The following SULF2 variants were observed in gnomAD, a reference collection of about 807,000 sequenced individuals.
SULF2 encodes the protein extracellular sulfatase Sulf-2.
Under a neutral mutation model 107.7 loss-of-function variants are expected in SULF2, and 52 were observed. The ratio of observed to expected loss-of-function variants is 0.48; its 90% CI spans 0.39 to 0.61. The LOEUF is 0.61. Among genes scored for constraint, SULF2 ranks in the 20% least tolerant of loss-of-function variants. The pLI is 0.00. For missense variants in SULF2, 993 were observed against 1,177.3 expected (o/e 0.84, Z 2.29); for synonymous variants, 460 against 464.3 (o/e 0.99, Z 0.12).
chr20:47,769,144 G>A, intron 1 of SULF2, among the ~76,000 whole-genome samples: 1 of 151,980 alleles, frequency 6.6e-6, no homozygotes, highest in East Asian at 1.9e-4. Flanking sequence ...GGGTTCAAGT[G>A]ATTCTCCTGC....
At chr20:47,780,015 CTTTTTTTTTTT>C (rs74178766) in intron 1 of SULF2, among the ~76,000 whole-genome samples, 1 of 120,494 alleles carries the variant, frequency 8.3e-6, no homozygotes, top group South Asian at 2.8e-4. Context: ...CCCTAGTTGA[CTTTTTTTTTTT>C]TTTTTTTTGA....
chr20:47,736,589 G>A, intron 3 of SULF2, 114 bp downstream of exon 3: 1 of 1,370,776 alleles, frequency 7.3e-7, no homozygotes. Flanking sequence ...TAAGAGAGTT[G>A]CTCTAGGGGC....
At chr20:47,737,775 T>TTTTTTG (rs1568881472) in intron 2 of SULF2, among the ~76,000 whole-genome samples, 1 of 142,322 alleles carries the variant, frequency 7.0e-6, no homozygotes, top group Non-Finnish European at 1.5e-5. Context: ...TTTTTTTTTT[T>TTTTTTG]TTTTTGAGAC....
At chr20:47,730,268 G>A (rs1209351412) in intron 3 of SULF2, among the ~76,000 whole-genome samples, 1 of 152,194 alleles carries the variant, frequency 6.6e-6, no homozygotes, top group African/African-American at 2.4e-5. Context: ...ACATGATGCA[G>A]AAGGGCAGAG....
intron 3 of SULF2, among the ~76,000 whole-genome samples, chr20:47,731,141 G>A (rs1338899964): frequency 6.8e-6 from 1 of 146,618 alleles, no homozygotes; most frequent in African/African-American, 2.6e-5. Flanking sequence ...CATGATACTC[G>A]TAAACCACAA....
At chr20:47,771,292 G>T (rs201097981) in intron 1 of SULF2, among the ~76,000 whole-genome samples, 1 of 151,938 alleles carries the variant, frequency 6.6e-6, no homozygotes, top group East Asian at 1.9e-4. Context: ...GGTCCAGGGG[G>T]TTCTGAGCAG....
At chr20:47,685,876 G>A (rs538812090) in intron 5 of SULF2, 1 of 152,388 alleles carries the variant, frequency 6.6e-6, no homozygotes, top group South Asian at 2.1e-4. Context: ...CCTGTGATGT[G>A]AGGGATGGAG....
intron 20 of SULF2, among the ~76,000 whole-genome samples, chr20:47,659,048 C>T (rs1323697725): frequency 2.6e-5 from 4 of 152,134 alleles, no homozygotes; most frequent in African/African-American, 9.7e-5. Flanking sequence ...TTTAATGAGG[C>T]CATCCTACTA....
At chr20:47,733,514 T>A (rs1275810357) in intron 3 of SULF2, among the ~76,000 whole-genome samples, 1 of 152,252 alleles carries the variant, frequency 6.6e-6, no homozygotes, top group East Asian at 1.9e-4. Context: ...GGCTCATGCA[T>A]GTAATCCCAG....
chr20:47,745,426 T>TAA (rs2090007197), intron 2 of SULF2, among the ~76,000 whole-genome samples: 1 of 4,868 alleles, frequency 2.1e-4, no homozygotes, highest in African/African-American at 8.9e-4. Flanking sequence ...TATATATATA[T>TAA]ATATATATAT....
intron 7 of SULF2, among the ~76,000 whole-genome samples, chr20:47,682,052 T>A (rs573086107): frequency 6.0e-4 from 91 of 152,154 alleles, no homozygotes; most frequent in African/African-American, 2.1e-3. Context: ...GTGTGGACTG[T>A]CGTTATTACA....
At chr20:47,684,391 C>G (rs2297586) in intron 6 of SULF2, 40 bp downstream of exon 6, 2 of 1,558,696 alleles carry the variant, frequency 1.3e-6, no homozygotes, top group East Asian at 2.3e-5. Context: ...GCTGGGGGTT[C>G]GGAGCCACGC....
intron 1 of SULF2, among the ~76,000 whole-genome samples, chr20:47,762,220 C>T (rs550738854): frequency 3.2e-4 from 49 of 152,358 alleles, no homozygotes; most frequent in Admixed American, 2.5e-3. Context: ...CTTGAAACTA[C>T]GATTGCAGCA....
rs1174753816 is a variant in SULF2 at position 47,666,571 on chromosome 20, T to C, written c.1577-83A>G. 3 of 1,116,542 alleles carry C rather than the reference T, an allele frequency of 2.7e-6. No individual in the cohort carries two copies. Among genetic ancestry groups the C allele is most frequent in the Admixed American group, 1.9e-5 (1 of 52,734 alleles). The allele number at this position is 1,116,542 out of a possible 1,614,324, so 69.2% of individuals were successfully genotyped here. On this transcript the variant is annotated intron_variant, in intron 11 of 20. Coordinates refer to ENST00000688720, the MANE Select transcript of SULF2 (RefSeq NM_001387048.1). This position sits in a 1 kb window ranked among gnomAD's most constrained non-coding sequence, Gnocchi z 5.4. ...CAGGGCAGTGGGTCCTTCATCAAGA[T>C]AGGGCCGGGCTTCCAAGCATGAGGC...
At chr20:47,664,430 T>C (rs1424072867) in intron 14 of SULF2, among the ~76,000 whole-genome samples, 1 of 152,200 alleles carries the variant, frequency 6.6e-6, no homozygotes, top group Admixed American at 6.5e-5. Context: ...CTTTAGCAGG[T>C]TGGGTTAATT....
intron 3 of SULF2, among the ~76,000 whole-genome samples, chr20:47,715,905 TC>T (rs1421118841): frequency 2.6e-5 from 4 of 152,220 alleles, no homozygotes; most frequent in African/African-American, 7.2e-5. Context: ...TTTTTTATCA[TC>T]CGGTGCACAC....
intron 11 of SULF2, among the ~76,000 whole-genome samples, chr20:47,667,510 T>C (rs770848646): frequency 6.6e-6 from 1 of 152,138 alleles, no homozygotes; most frequent in Non-Finnish European, 1.5e-5. Flanking sequence ...GATTTCCAGC[T>C]TCCAGAAAGG....
chr20:47,786,596 G>A (rs2090935238), upstream of SULF2: 1 of 152,198 alleles, frequency 6.6e-6, no homozygotes, highest in Non-Finnish European at 1.5e-5. Context: ...GAAAATAGCA[G>A]CTGTTGTCCA....
intron 1 of SULF2, among the ~76,000 whole-genome samples, chr20:47,759,310 C>T (rs2090365388): frequency 1.3e-5 from 2 of 152,236 alleles, no homozygotes; most frequent in South Asian, 4.1e-4. Context: ...TCCTCGACCT[C>T]TCCTTTCCAG....
Sources: gnomAD v4.1 joint callset for allele counts (sites outside exome capture counted in the v4.1 genomes callset) on GRCh38, gnomAD v4.1.1 for gene constraint, Gnocchi (gnomAD v3.1) non-coding constraint, MANE v1.5 for transcripts, NCBI Gene and HGNC (gene_info 2026-07-23, HGNC 2026-07-21) for gene names.